The following CAP2 variants were observed in gnomAD, a reference collection of about 807,000 sequenced individuals.
The protein encoded by CAP2 is adenylyl cyclase-associated protein 2.
Under a neutral mutation model 57.7 loss-of-function variants are expected in CAP2, and 24 were observed. The observed-to-expected ratio is 0.42, with a 90% CI of 0.30 to 0.58. The LOEUF is 0.58. CAP2 is among the 20% of genes least tolerant of loss of function. The pLI is 0.22. For missense variants in CAP2, 501 were observed against 590.3 expected (o/e 0.85, Z 1.57); for synonymous variants, 194 against 207.2 (o/e 0.94, Z 0.55).
intron 1 of CAP2, among the ~76,000 whole-genome samples, chr6:17,402,627 A>C (rs1758846597): frequency 6.6e-6 from 1 of 152,270 alleles, no homozygotes; most frequent in Admixed American, 6.5e-5. Flanking sequence ...TTTTGCAGTC[A>C]GTTCAAAGGA....
Position 17,438,436 on chromosome 6 carries a change from T to TTTTTG in CAP2, c.222+11750_222+11751insGTTTT, listed in dbSNP as rs1281719275. On this transcript the variant is annotated intron_variant, in intron 3 of 12. Coordinates refer to ENST00000229922, the MANE Select transcript of CAP2 (RefSeq NM_006366.3). Reference sequence around the variant, plus strand: ...GCTTGTTTGACCATCCAGAAGTGTTTTTTTTTTTTTTTTTTTTTTTGAGAC... The same window carrying TTTTTG: ...GCTTGTTTGACCATCCAGAAGTGTTTTTTTGTTTTTTTTTTTTTTTTTTTTGAGAC... 5.3e-4 allele frequency among the ~76,000 whole-genome samples: 62 copies of TTTTTG among 116,160 alleles called. 1 individual carries two copies. The highest frequency in any genetic ancestry group is 2.4e-3 in the African/African-American group (56 of 23,820). 76.2% of individuals were successfully genotyped at this position (116,160 alleles called of 152,430 possible).
intron 3 of CAP2, among the ~76,000 whole-genome samples, chr6:17,443,754 A>T (rs116515877): frequency 8.8e-4 from 134 of 152,372 alleles, no homozygotes; most frequent in African/African-American, 3.1e-3. Flanking sequence ...ATTACTATGC[A>T]TAAAGCAAGT....
chr6:17,430,051 C>T (rs1201110054), intron 3 of CAP2, among the ~76,000 whole-genome samples: 1 of 152,158 alleles, frequency 6.6e-6, no homozygotes, highest in Non-Finnish European at 1.5e-5. Context: ...ATATTAAATC[C>T]TGTGCCTGTG....
intron 4 of CAP2, among the ~76,000 whole-genome samples, chr6:17,466,414 C>T (rs1490826826): frequency 6.6e-6 from 1 of 152,152 alleles, no homozygotes; most frequent in Non-Finnish European, 1.5e-5. Context: ...AAAATGTTCC[C>T]AGGTGATGTG....
chr6:17,505,740 C>T (rs757142958), intron 4 of CAP2, among the ~76,000 whole-genome samples: 15 of 152,176 alleles, frequency 9.9e-5, no homozygotes, highest in Non-Finnish European at 1.5e-4. Context: ...GATAAACAAC[C>T]TTGTATCTGC....
At chr6:17,445,909 G>A (rs974395935) in intron 3 of CAP2, among the ~76,000 whole-genome samples, 1 of 152,138 alleles carries the variant, frequency 6.6e-6, no homozygotes. Flanking sequence ...ATTCACTAAC[G>A]GTTTGTACCA....
In CAP2 at chr6:17,443,693, C is replaced by T. The variant is rs1210609563; in HGVS notation, c.222+17003C>T. ...AGTCTCAGTCAAATGTATGGGCACA[C>T]TGGCTGAAGCATCACTCTGATTCTA... On this transcript the variant is annotated intron_variant, in intron 3 of 12. Coordinates refer to ENST00000229922, the MANE Select transcript of CAP2 (RefSeq NM_006366.3). Among the ~76,000 whole-genome samples the T allele has an allele frequency of 2.0e-5, 3 of 152,280 alleles. No homozygotes were observed. In the East Asian group the frequency reaches 5.8e-4, roughly 29 times the overall value.
At chr6:17,463,999 A>G (rs1760794628) in intron 4 of CAP2, among the ~76,000 whole-genome samples, 1 of 152,216 alleles carries the variant, frequency 6.6e-6, no homozygotes, top group Non-Finnish European at 1.5e-5. Context: ...GAGCAAATTA[A>G]TGGTTGGCGG....
intron 7 of CAP2, among the ~76,000 whole-genome samples, chr6:17,524,074 C>CAA (rs10523029): frequency 1.4e-4 from 17 of 118,894 alleles, no homozygotes; most frequent in African/African-American, 5.0e-4. Flanking sequence ...GACTCTGTCT[C>CAA]AAAAAAAAAA....
intron 3 of CAP2, among the ~76,000 whole-genome samples, chr6:17,448,615 G>C (rs1224101954): frequency 6.6e-6 from 1 of 152,168 alleles, no homozygotes; most frequent in Non-Finnish European, 1.5e-5. Context: ...ATTTAGAAGA[G>C]TTCAGTGTTG....
chr6:17,514,863 T>A (rs112199777), intron 7 of CAP2, among the ~76,000 whole-genome samples: 1,948 of 152,172 alleles, frequency 0.013, 23 homozygotes, highest in Middle Eastern at 0.02. Context: ...AGTGATAAAG[T>A]CAATTGCAAA....
chr6:17,531,565 G>A (rs924434004), intron 7 of CAP2: 25 of 1,539,904 alleles, frequency 1.6e-5, no homozygotes, highest in East Asian at 1.3e-4. Flanking sequence ...TCAGCTCTGC[G>A]AAATTCCTTC....
chr6:17,515,923 G>C (rs1437256557), intron 7 of CAP2, among the ~76,000 whole-genome samples: 1 of 152,110 alleles, frequency 6.6e-6, no homozygotes, highest in Non-Finnish European at 1.5e-5. Flanking sequence ...CTCACTCCTT[G>C]TGGTATCCTG....
At chr6:17,405,246 G>A (rs995940061) in intron 1 of CAP2, among the ~76,000 whole-genome samples, 1 of 152,068 alleles carries the variant, frequency 6.6e-6, no homozygotes, top group Non-Finnish European at 1.5e-5. Context: ...GCCAGGTGTG[G>A]TATAGACGCT....
intron 4 of CAP2, among the ~76,000 whole-genome samples, chr6:17,488,467 T>C (rs1761473449): frequency 6.6e-6 from 1 of 152,174 alleles, no homozygotes; most frequent in Admixed American, 6.5e-5. Flanking sequence ...ACCATCTCAT[T>C]CATCTTTGAA....
intron 2 of CAP2, among the ~76,000 whole-genome samples, chr6:17,423,945 A>G (rs986889116): frequency 6.6e-6 from 1 of 152,348 alleles, no homozygotes; most frequent in South Asian, 2.1e-4. Context: ...CTAATCCTAA[A>G]CAACACCATT....
chr6:17,393,963 G>A (rs1758605526), intron 1 of CAP2, among the ~76,000 whole-genome samples: 1 of 147,894 alleles, frequency 6.8e-6, no homozygotes, highest in African/African-American at 2.4e-5. Context: ...GGGCGCGGGC[G>A]GACTCCCATC....
rs182547347 is a variant in CAP2 at position 17,461,809 on chromosome 6, T to G, written c.223-1187T>G. ...AGATCGAGACCATCCTGGCGAACAC[T>G]GTGAAACCCCGTCTCTACTAAAAAT... On this transcript the variant is annotated intron_variant, in intron 3 of 12. Transcript: ENST00000229922. Among the ~76,000 whole-genome samples the G allele has an allele frequency of 1.9e-3, 280 of 149,262 alleles. 1 individual carries two copies. Among genetic ancestry groups the G allele is most frequent in the African/African-American group, 5.5e-3 (225 of 40,848 alleles).
At chr6:17,534,202 G>A (rs1434792920) in intron 7 of CAP2, among the ~76,000 whole-genome samples, 1 of 152,176 alleles carries the variant, frequency 6.6e-6, no homozygotes, top group Non-Finnish European at 1.5e-5. Context: ...GAAACTAACT[G>A]TTAGGATAAA....
Sources: gnomAD v4.1 joint callset for allele counts (sites outside exome capture counted in the v4.1 genomes callset) on GRCh38, gnomAD v4.1.1 for gene constraint, MANE v1.5 for transcripts, NCBI Gene and HGNC (gene_info 2026-07-23, HGNC 2026-07-21) for gene names.